Variants in TBC1D22A observed in about 807,000 individuals in gnomAD.
TBC1D22A encodes TBC1 domain family member 22A, also known as putative GTPase activator.
In TBC1D22A, 38 loss-of-function variants were observed where a neutral mutation model predicts 60.2. The observed-to-expected ratio is 0.63, with a 90% CI of 0.49 to 0.83. The LOEUF (loss-of-function observed/expected upper bound fraction) is 0.83, where lower values mean the gene tolerates loss of function less well. TBC1D22A is among the 40% of genes least tolerant of loss of function. The pLI is 0.00. For missense variants in TBC1D22A, 628 were observed against 701.0 expected (o/e 0.90, Z 1.18); for synonymous variants, 302 against 281.7 (o/e 1.07, Z -0.72).
chr22:47,140,203 G>A (rs991554018), intron 12 of TBC1D22A, among the ~76,000 whole-genome samples: 10 of 151,980 alleles, frequency 6.6e-5, no homozygotes, highest in Non-Finnish European at 1.2e-4. Context: ...CTGAATGCGC[G>A]TGCTGAGTCT....
chr22:47,115,616 T>G (rs564273122), intron 12 of TBC1D22A, among the ~76,000 whole-genome samples: 1 of 152,300 alleles, frequency 6.6e-6, no homozygotes, highest in South Asian at 2.1e-4. Context: ...AAGAGGACAC[T>G]GGGGCCCAGC....
intron 11 of TBC1D22A, among the ~76,000 whole-genome samples, chr22:47,092,983 A>G (rs2065036229): frequency 6.6e-6 from 1 of 152,170 alleles, no homozygotes; most frequent in Admixed American, 6.5e-5. Flanking sequence ...TCAGACATGG[A>G]ATGTTGAGAT....
At chr22:46,804,544 C>T (rs2146981959) in intron 4 of TBC1D22A, among the ~76,000 whole-genome samples, 1 of 152,306 alleles carries the variant, frequency 6.6e-6, no homozygotes, top group South Asian at 2.1e-4. Flanking sequence ...CATGCGAGAG[C>T]CTCAGTGAAC....
At chr22:47,023,828 C>T (rs2062166853) in intron 10 of TBC1D22A, among the ~76,000 whole-genome samples, 1 of 152,198 alleles carries the variant, frequency 6.6e-6, no homozygotes, top group South Asian at 2.1e-4. Context: ...GGGATACCTG[C>T]ATGACAAGCA....
intron 8 of TBC1D22A, among the ~76,000 whole-genome samples, chr22:46,930,622 A>AT (rs367772036): frequency 0.67 from 96,598 of 143,422 alleles, 32,557 homozygotes; most frequent in South Asian, 0.78. Flanking sequence ...CGCCTGGCTA[A>AT]TTTTTTTTTT....
chr22:46,783,446 C>T (rs2084027268), intron 1 of TBC1D22A, among the ~76,000 whole-genome samples: 1 of 152,200 alleles, frequency 6.6e-6, no homozygotes, highest in Admixed American at 6.5e-5. Context: ...TGATGTAATA[C>T]AGAACACACC....
chr22:47,030,380 TA>T (rs1384410155), intron 10 of TBC1D22A, among the ~76,000 whole-genome samples: 1 of 152,250 alleles, frequency 6.6e-6, no homozygotes, highest in African/African-American at 2.4e-5. Flanking sequence ...TTTTCCATTT[TA>T]GCCTAAATCC....
intron 10 of TBC1D22A, among the ~76,000 whole-genome samples, chr22:47,033,879 C>A (rs1361925696): frequency 2.6e-5 from 4 of 152,066 alleles, no homozygotes; most frequent in Non-Finnish European, 4.4e-5. Flanking sequence ...GGTCTGGTGC[C>A]TTTCTTAGGC....
chr22:47,004,843 AC>A (rs1315913123), intron 10 of TBC1D22A, among the ~76,000 whole-genome samples: 2 of 150,336 alleles, frequency 1.3e-5, no homozygotes, highest in Non-Finnish European at 3.0e-5. Flanking sequence ...ATACACCCAC[AC>A]TACTGTACAT....
At chr22:46,901,553 G>C (rs762969580) in intron 7 of TBC1D22A, among the ~76,000 whole-genome samples, 1 of 152,160 alleles carries the variant, frequency 6.6e-6, no homozygotes, top group African/African-American at 2.4e-5. Context: ...TGCTCATCGC[G>C]AGAGAGTTCT....
intron 8 of TBC1D22A, chr22:46,915,454 G>C: frequency 2.2e-6 from 1 of 456,658 alleles, no homozygotes; most frequent in South Asian, 1.5e-5. Context: ...CAGTCCTTGG[G>C]CCTCAGCGTT....
intron 10 of TBC1D22A, 79 bp from the exon 11 acceptor site, chr22:47,036,992 T>TG: frequency 6.3e-7 from 1 of 1,585,510 alleles, no homozygotes; most frequent in Non-Finnish European, 8.6e-7. Flanking sequence ...CGCAGGCCCT[T>TG]GGGGGACAAG....
intron 1 of TBC1D22A, among the ~76,000 whole-genome samples, chr22:46,781,163 G>T (rs2083920305): frequency 7.5e-6 from 1 of 134,048 alleles, no homozygotes; most frequent in Non-Finnish European, 1.6e-5. Context: ...TTTTTAGACA[G>T]GGTGTCATTC....
At chr22:47,122,655 A>G (rs910294331) in intron 12 of TBC1D22A, among the ~76,000 whole-genome samples, 1 of 152,234 alleles carries the variant, frequency 6.6e-6, no homozygotes, top group Non-Finnish European at 1.5e-5. Context: ...AGCAATAAAG[A>G]CATCACAGGT....
At chr22:46,928,159 G>A (rs1569231760) in intron 8 of TBC1D22A, among the ~76,000 whole-genome samples, 1 of 151,278 alleles carries the variant, frequency 6.6e-6, no homozygotes, top group African/African-American at 2.4e-5. Flanking sequence ...TAGGACTCAC[G>A]CATTCTGGTA....
At position 46,892,792 on chromosome 22, in the gene TBC1D22A, G is replaced by C. The variant is rs182725496; in HGVS notation, c.837+1398G>C. Among the ~76,000 whole-genome samples, 320 of 152,260 alleles carry C rather than the reference G, an allele frequency of 2.1e-3. 1 individual carries two copies. Among genetic ancestry groups the C allele is most frequent in the Middle Eastern group, 0.02 (6 of 294 alleles). On this transcript the variant is annotated intron_variant, in intron 6 of 12. Transcript: ENST00000337137. ...AGTGTTGGAAGAGAAAGTTAATTAC[G>C]AACAGGTTGCATACATCTTTATTTA...
rs904508964 is a variant in TBC1D22A at position 46,777,831 on chromosome 22, CAT to C, written c.63-14688_63-14687del. Among the ~76,000 whole-genome samples, 2 of 152,210 alleles carry C rather than the reference CAT, an allele frequency of 1.3e-5. No individual in the cohort carries two copies. Among genetic ancestry groups the C allele is most frequent in the Non-Finnish European group, 2.9e-5 (2 of 68,032 alleles). On this transcript the variant is annotated intron_variant, in intron 1 of 12. Coordinates refer to ENST00000337137, the MANE Select transcript of TBC1D22A (RefSeq NM_014346.5). This position sits in a 1 kb window ranked among gnomAD's most constrained non-coding sequence, Gnocchi z 4.5. Reference sequence around the variant, plus strand: ...TTAGCGACGGGGACGCCTTCTGAGACATGTGTCCTTAGGTGATTTGGTCCCTG... The same window carrying C: ...TTAGCGACGGGGACGCCTTCTGAGACGTGTCCTTAGGTGATTTGGTCCCTG...
intron 11 of TBC1D22A, among the ~76,000 whole-genome samples, chr22:47,080,667 A>G (rs116083286): frequency 0.011 from 1,707 of 152,058 alleles, 29 homozygotes; most frequent in African/African-American, 0.039. Flanking sequence ...AGGACTTAAA[A>G]TCAGGAATTT....
intron 1 of TBC1D22A, among the ~76,000 whole-genome samples, chr22:46,774,941 T>C (rs950447149): frequency 6.6e-6 from 1 of 152,266 alleles, no homozygotes; most frequent in African/African-American, 2.4e-5. Context: ...CACCTGGGCC[T>C]CTACTCCTTG....
Sources: gnomAD v4.1 joint callset for allele counts (sites outside exome capture counted in the v4.1 genomes callset) on GRCh38, gnomAD v4.1.1 for gene constraint, Gnocchi (gnomAD v3.1) non-coding constraint, MANE v1.5 for transcripts, NCBI Gene and HGNC (gene_info 2026-07-23, HGNC 2026-07-21) for gene names.